HDAC9: variants seen among roughly 807,000 people sequenced by gnomAD.
HDAC9 encodes the protein MEF-2 interacting transcription repressor (MITR) protein.
A neutral mutation model predicts 139.4 loss-of-function variants in HDAC9; 41 were observed. The observed-to-expected ratio is 0.29, with a 90% CI of 0.23 to 0.38. The LOEUF is 0.38. HDAC9 is among the 10% of genes least tolerant of loss of function. The pLI is 1.00. For missense variants in HDAC9, 1,147 were observed against 1,297.0 expected (o/e 0.88, Z 1.78); for synonymous variants, 517 against 476.2 (o/e 1.09, Z -1.12).
At chr7:18,876,096 T>C (rs557505738) in intron 22 of HDAC9, among the ~76,000 whole-genome samples, 2 of 152,312 alleles carry the variant, frequency 1.3e-5, no homozygotes, top group South Asian at 2.1e-4. Flanking sequence ...TCTTCATTTT[T>C]GGCCAAGTCA....
chr7:18,520,466 GTTAA>G (rs1161803862), intron 2 of HDAC9, among the ~76,000 whole-genome samples: 4 of 152,140 alleles, frequency 2.6e-5, no homozygotes, highest in African/African-American at 7.2e-5. Flanking sequence ...AATGGAGTTG[GTTAA>G]TTAAGTTATA....
intron 2 of HDAC9, among the ~76,000 whole-genome samples, chr7:18,514,361 T>C (rs760698254): frequency 1.3e-5 from 2 of 152,230 alleles, no homozygotes; most frequent in East Asian, 1.9e-4. Context: ...ATCAGAAATA[T>C]AAAGTTGTAT....
At chr7:18,336,166 A>G (rs1781568255) in intron 1 of HDAC9, among the ~76,000 whole-genome samples, 1 of 151,524 alleles carries the variant, frequency 6.6e-6, no homozygotes, top group Non-Finnish European at 1.5e-5. Context: ...CAGTTTTTCC[A>G]TTTACAAGAT....
intron 1 of HDAC9, among the ~76,000 whole-genome samples, chr7:18,303,303 C>T (rs1211175864): frequency 6.6e-6 from 1 of 151,762 alleles, no homozygotes; most frequent in Non-Finnish European, 1.5e-5. Flanking sequence ...CTGCAAGCTC[C>T]GCCTCCCGGG....
chr7:18,852,332 A>C (rs575442652), intron 21 of HDAC9, among the ~76,000 whole-genome samples: 1 of 152,192 alleles, frequency 6.6e-6, no homozygotes, highest in Non-Finnish European at 1.5e-5. Flanking sequence ...AAGTCTTGTG[A>C]GTAGCCCAGT....
intron 1 of HDAC9, among the ~76,000 whole-genome samples, chr7:18,294,388 A>G (rs1250148762): frequency 1.3e-5 from 2 of 152,140 alleles, no homozygotes; most frequent in African/African-American, 2.4e-5. Context: ...TTAATTTAAC[A>G]TGTGATACAT....
intron 2 of HDAC9, among the ~76,000 whole-genome samples, chr7:18,263,807 T>C (rs374572824): frequency 5.3e-5 from 8 of 152,100 alleles, no homozygotes; most frequent in East Asian, 1.9e-4. Context: ...TAAGTAGAGA[T>C]GGGGTTTCGC....
chr7:18,409,640 C>T (rs574914403), intron 1 of HDAC9, among the ~76,000 whole-genome samples: 11 of 152,294 alleles, frequency 7.2e-5, no homozygotes, highest in African/African-American at 2.6e-4. Flanking sequence ...ATTTTACTTA[C>T]ATTTAATAGA....
chr7:18,423,677 C>G (rs1229083934), intron 1 of HDAC9, among the ~76,000 whole-genome samples: 1 of 152,190 alleles, frequency 6.6e-6, no homozygotes, highest in East Asian at 1.9e-4. Flanking sequence ...GGGCCATTCC[C>G]CACATGGCCT....
chr7:18,765,508 T>C (rs1789756273), intron 15 of HDAC9, among the ~76,000 whole-genome samples: 1 of 152,024 alleles, frequency 6.6e-6, no homozygotes, highest in Non-Finnish European at 1.5e-5. Flanking sequence ...TAGTCCCAAC[T>C]GACGGGAGGC....
chr7:18,784,101 A>T (rs770061922), intron 16 of HDAC9, among the ~76,000 whole-genome samples: 2 of 148,492 alleles, frequency 1.3e-5, no homozygotes, highest in Non-Finnish European at 3.0e-5. Flanking sequence ...CCCCTTCTAT[A>T]TTCGAGTCTT....
At chr7:18,424,425 A>G (rs1353918341) in intron 1 of HDAC9, among the ~76,000 whole-genome samples, 6 of 152,188 alleles carry the variant, frequency 3.9e-5, no homozygotes, top group Non-Finnish European at 5.9e-5. Context: ...TAATTATAGG[A>G]CAGTCACTGG....
chr7:18,933,674 G>C (rs1464643853), intron 22 of HDAC9, among the ~76,000 whole-genome samples: 1 of 151,986 alleles, frequency 6.6e-6, no homozygotes, highest in African/African-American at 2.4e-5. Flanking sequence ...AAGGCAGCAT[G>C]AACATGAATC....
chr7:18,431,156 C>T (rs1229974623), intron 1 of HDAC9, among the ~76,000 whole-genome samples: 1 of 151,978 alleles, frequency 6.6e-6, no homozygotes, highest in Non-Finnish European at 1.5e-5. Context: ...CATACAGTTT[C>T]TATATGCTTG....
intron 25 of HDAC9, among the ~76,000 whole-genome samples, chr7:18,987,586 T>C (rs2129346424): frequency 6.6e-6 from 1 of 152,348 alleles, no homozygotes; most frequent in Non-Finnish European, 1.5e-5. Context: ...CCTCATAAAA[T>C]GAGTTAGGGA....
rs190830240 is a variant in HDAC9, at chr7:18,764,310, G to A, written c.2164+2033G>A. ...TATTCCTACAGTTGATAATCTTAGA[G>A]TTAGCATTCTATACATGTGTGGAGT... is the stretch of plus-strand genomic sequence containing the variant. On this transcript the variant is annotated intron_variant, in intron 15 of 25. Transcript: ENST00000686413. 1.3e-3 allele frequency among the ~76,000 whole-genome samples: 205 copies of A among 152,198 alleles called. 1 individual carries two copies. The highest frequency in any genetic ancestry group is 4.7e-3 in the African/African-American group (196 of 41,534).
intron 8 of HDAC9, among the ~76,000 whole-genome samples, chr7:18,641,220 A>G (rs1785498187): frequency 6.6e-6 from 1 of 152,112 alleles, no homozygotes; most frequent in South Asian, 2.1e-4. Context: ...TGAATTACAA[A>G]TATTATTTAT....
intron 8 of HDAC9, among the ~76,000 whole-genome samples, chr7:18,643,756 C>CATAT (rs1235304322): frequency 2.0e-5 from 3 of 151,998 alleles, no homozygotes; most frequent in African/African-American, 7.2e-5. Flanking sequence ...ATTGGAGTCC[C>CATAT]ATATGCTTTT....
intron 1 of HDAC9, among the ~76,000 whole-genome samples, chr7:18,378,560 G>A (rs981284788): frequency 6.6e-6 from 1 of 151,918 alleles, no homozygotes; most frequent in Admixed American, 6.6e-5. Flanking sequence ...TCAAATTTTA[G>A]TAATCTAATT....
Sources: allele counts gnomAD v4.1 joint callset (sites outside exome capture counted in the v4.1 genomes callset), GRCh38; gene constraint gnomAD v4.1.1; transcripts MANE v1.5; gene names NCBI Gene and HGNC (gene_info 2026-07-23, HGNC 2026-07-21).